Variants in SYTL5 observed in about 807,000 individuals in gnomAD.
The protein encoded by SYTL5 is synaptotagmin like 5.
A neutral mutation model predicts 55.9 loss-of-function variants in SYTL5; 34 were observed. The ratio of observed to expected loss-of-function variants is 0.61; its 90% CI spans 0.46 to 0.81. The LOEUF is 0.81. Among genes scored for constraint, SYTL5 ranks in the 30% least tolerant of loss-of-function variants. The pLI is 0.00. For missense variants in SYTL5, 637 were observed against 546.7 expected, an observed-to-expected ratio of 1.17 and a Z score of -1.65; for synonymous variants, 221 against 188.7, an observed-to-expected ratio of 1.17 and a Z score of -1.40.
chrX:38,108,403 A>G (rs1419867539), intron 11 of SYTL5, among the ~76,000 whole-genome samples, 197 bp from the exon 12 acceptor site: 1 of 111,496 alleles, frequency 9.0e-6, no homozygotes, highest in Non-Finnish European at 1.9e-5. Context: ...CTCTTTTATC[A>G]TTATACTTTA....
At chrX:37,909,283 G>A in the SYTL5 span, among the ~76,000 whole-genome samples, 1 of 111,927 alleles carries the variant, frequency 8.9e-6, no homozygotes, top group Non-Finnish European at 1.9e-5. Context: ...ACATCATGGT[G>A]GGAGATCAGA....
intron 13 of SYTL5, among the ~76,000 whole-genome samples, chrX:38,115,324 A>G (rs1937457883): frequency 9.7e-6 from 1 of 103,536 alleles, no homozygotes; most frequent in African/African-American, 3.7e-5. Context: ...CTCTACTAAA[A>G]ATACAAAAAA....
At chrX:38,065,377 A>G in intron 3 of SYTL5, among the ~76,000 whole-genome samples, 1 of 111,772 alleles carries the variant, frequency 8.9e-6, no homozygotes. Flanking sequence ...GTGAGAATCT[A>G]TTTGGTGATA....
chrX:38,106,212 A>G (rs1937208088), intron 10 of SYTL5, among the ~76,000 whole-genome samples: 1 of 112,376 alleles, frequency 8.9e-6, no homozygotes, highest in African/African-American at 3.2e-5. Flanking sequence ...TACACCTTAT[A>G]GTAGATTGAA....
the SYTL5 span, among the ~76,000 whole-genome samples, chrX:37,899,617 C>G: frequency 8.9e-6 from 1 of 111,889 alleles, no homozygotes; most frequent in African/African-American, 3.2e-5. Flanking sequence ...TGTCTGAGTT[C>G]ACAACACATC....
At chrX:37,992,296 G>A in the SYTL5 span, among the ~76,000 whole-genome samples, 1 of 112,804 alleles carries the variant, frequency 8.9e-6, no homozygotes, top group African/African-American at 3.2e-5. Context: ...CCCCTTGCCT[G>A]TGAGTGCCCA....
intron 8 of SYTL5, 41 bp from the exon 9 acceptor site, chrX:38,096,093 C>A: frequency 1.3e-6 from 1 of 754,112 alleles, no homozygotes; most frequent in Non-Finnish European, 2.0e-6. Context: ...TCTCACAAAA[C>A]AGGCTGACTC....
chrX:37,924,035 A>G, the SYTL5 span, among the ~76,000 whole-genome samples: 1 of 111,924 alleles, frequency 8.9e-6, no homozygotes, highest in Admixed American at 9.5e-5. Flanking sequence ...ATTCAGACAC[A>G]GATGCCACTC....
At chrX:38,101,387 G>A (rs1478153149) in intron 9 of SYTL5, among the ~76,000 whole-genome samples, 3 of 110,531 alleles carry the variant, frequency 2.7e-5, no homozygotes, top group Non-Finnish European at 5.7e-5. Flanking sequence ...GCCCAGAAGT[G>A]TACATCATAA....
At chrX:37,942,857 CATATTGCTT>C in the SYTL5 span, among the ~76,000 whole-genome samples, 1 of 111,420 alleles carries the variant, frequency 9.0e-6, no homozygotes, top group Non-Finnish European at 1.9e-5. Context: ...CTCAGGCCTC[CATATTGCTT>C]ATATCTTTGC....
At chrX:38,096,649 T>G (rs1381574383) in intron 9 of SYTL5, among the ~76,000 whole-genome samples, 1 of 111,379 alleles carries the variant, frequency 9.0e-6, no homozygotes, top group African/African-American at 3.2e-5. Context: ...ATGTGAAAAT[T>G]AATGTTTCAG....
chrX:37,913,474 T>A, the SYTL5 span, among the ~76,000 whole-genome samples: 1 of 112,609 alleles, frequency 8.9e-6, no homozygotes, highest in Non-Finnish European at 1.9e-5. Flanking sequence ...AAGCCGTTAG[T>A]CCATTAACCA....
At chrX:37,940,604 G>GCATA in the SYTL5 span, among the ~76,000 whole-genome samples, 2 of 94,871 alleles carry the variant, frequency 2.1e-5, no homozygotes, top group Non-Finnish European at 4.2e-5. Context: ...AGGTGTGTAT[G>GCATA]TATATATATA....
At chrX:38,073,731 T>C in intron 5 of SYTL5, 33 bp downstream of exon 5, 1 of 1,027,466 alleles carries the variant, frequency 9.7e-7, no homozygotes, top group Non-Finnish European at 1.3e-6. Context: ...GAATTTTTGA[T>C]CTTTATTCCA....
upstream of SYTL5, among the ~76,000 whole-genome samples, chrX:38,003,626 T>A (rs1488483913): frequency 2.7e-5 from 3 of 111,715 alleles, no homozygotes; most frequent in Non-Finnish European, 5.7e-5. Context: ...AGGAAGAATA[T>A]ATATCGTGAA....
At chrX:37,933,603 G>A in the SYTL5 span, among the ~76,000 whole-genome samples, 4 of 112,090 alleles carry the variant, frequency 3.6e-5, no homozygotes, top group African/African-American at 1.3e-4. Context: ...AAACAACAGA[G>A]GCAATTGTTG....
the SYTL5 span, among the ~76,000 whole-genome samples, chrX:37,996,130 G>A: frequency 1.8e-5 from 2 of 111,951 alleles, no homozygotes; most frequent in Non-Finnish European, 3.8e-5. Flanking sequence ...AGAGTCAAGG[G>A]GCATGGGAGA....
At chrX:38,031,630 C>G (rs1442637337) in intron 1 of SYTL5, among the ~76,000 whole-genome samples, 1 of 111,977 alleles carries the variant, frequency 8.9e-6, no homozygotes, top group Admixed American at 9.5e-5. Context: ...TTCAATGAAC[C>G]CTGGGTGTAA....
intron 8 of SYTL5, among the ~76,000 whole-genome samples, chrX:38,095,583 G>A (rs1050551788): frequency 1.8e-5 from 2 of 111,670 alleles, no homozygotes; most frequent in African/African-American, 6.5e-5. Context: ...TTCTTCTGAT[G>A]AAAGACTCTT....
Sources: allele counts gnomAD v4.1 joint callset (sites outside exome capture counted in the v4.1 genomes callset), GRCh38; gene constraint gnomAD v4.1.1; transcripts MANE v1.5; gene names NCBI Gene and HGNC (gene_info 2026-07-23, HGNC 2026-07-21).